The following GNG7 variants were observed in gnomAD, a reference collection of about 807,000 sequenced individuals.
GNG7 encodes the protein guanine nucleotide-binding protein G(I)/G(S)/G(O) subunit gamma-7.
Under a neutral mutation model 4.0 loss-of-function variants are expected in GNG7, and 1 was observed. That is an observed-to-expected ratio of 0.25 (90% CI 0.09 to 1.18). GNG7 has a LOEUF of 1.18. Among genes scored for constraint, GNG7 ranks in the 50% most tolerant of loss-of-function variants. The pLI, the probability that GNG7 is intolerant of heterozygous loss-of-function variation, is 0.50. For synonymous variants in GNG7, 34 were observed against 36.9 expected, an observed-to-expected ratio of 0.92 and a Z score of 0.29; for missense variants, 86 against 91.9, an observed-to-expected ratio of 0.94 and a Z score of 0.26.
At chr19:2,684,861 C>T (rs1318089068) in intron 1 of GNG7, among the ~76,000 whole-genome samples, 2 of 149,706 alleles carry the variant, frequency 1.3e-5, no homozygotes, top group Non-Finnish European at 3.0e-5. Context: ...CAGTGGCTCA[C>T]GCCTGTAATC....
intron 1 of GNG7, among the ~76,000 whole-genome samples, chr19:2,667,444 T>C (rs1025374412): frequency 3.3e-5 from 5 of 152,202 alleles, no homozygotes; most frequent in African/African-American, 1.2e-4. Flanking sequence ...CTCACCTCTA[T>C]GTGCTCGCCA....
chr19:2,590,517 C>T (rs1980808679), intron 2 of GNG7, among the ~76,000 whole-genome samples: 1 of 151,238 alleles, frequency 6.6e-6, no homozygotes, highest in African/African-American at 2.4e-5. Flanking sequence ...ATCCATCCAC[C>T]CACCCATCCA....
chr19:2,680,078 C>T (rs547602414), intron 1 of GNG7, among the ~76,000 whole-genome samples: 2 of 151,842 alleles, frequency 1.3e-5, no homozygotes, highest in Admixed American at 6.6e-5. Context: ...CTTGGGAGAC[C>T]GAGGAGGGAG....
intron 1 of GNG7, among the ~76,000 whole-genome samples, chr19:2,656,406 A>G (rs1982975554): frequency 6.6e-6 from 1 of 152,228 alleles, no homozygotes; most frequent in Non-Finnish European, 1.5e-5. Flanking sequence ...GTTCAAGACC[A>G]GCCTGGCCAA....
At chr19:2,689,063 CA>C (rs1207399372) in intron 1 of GNG7, among the ~76,000 whole-genome samples, 3 of 137,558 alleles carry the variant, frequency 2.2e-5, no homozygotes, top group Admixed American at 7.4e-5. Flanking sequence ...GACTCTGTCT[CA>C]AAAAAAAATG....
At chr19:2,597,613 A>G (rs28404761) in intron 2 of GNG7, among the ~76,000 whole-genome samples, 69,568 of 148,552 alleles carry the variant, frequency 0.47, 17,353 homozygotes, top group Non-Finnish European at 0.57. Flanking sequence ...TAATAATAAT[A>G]AGGCCGAGTG....
intron 2 of GNG7, among the ~76,000 whole-genome samples, chr19:2,637,015 A>T (rs1258103564): frequency 6.8e-6 from 1 of 146,354 alleles, no homozygotes. Flanking sequence ...TGCACCTCCA[A>T]CTCCACTTGT....
At chr19:2,539,400 A>G (rs1978870312) in intron 3 of GNG7, among the ~76,000 whole-genome samples, 1 of 148,558 alleles carries the variant, frequency 6.7e-6, no homozygotes, top group East Asian at 2.0e-4. Flanking sequence ...TTGCTTCCTG[A>G]TTCAAGCGAT....
chr19:2,520,179 TCAAA>T (rs1978300211), intron 4 of GNG7, among the ~76,000 whole-genome samples: 1 of 151,830 alleles, frequency 6.6e-6, no homozygotes, highest in African/African-American at 2.4e-5. Context: ...AGACTCCGTC[TCAAA>T]CAAACAAAAC....
intron 2 of GNG7, among the ~76,000 whole-genome samples, chr19:2,568,288 C>CAT (rs370707341): frequency 9.3e-6 from 1 of 107,458 alleles, no homozygotes; most frequent in Non-Finnish European, 2.1e-5. Flanking sequence ...GACTTACACA[C>CAT]ATATACACAC....
chr19:2,657,361 A>AAAAAAAATATATAT (rs1555701153), intron 1 of GNG7, among the ~76,000 whole-genome samples: 2 of 16,328 alleles, frequency 1.2e-4, no homozygotes, highest in Non-Finnish European at 2.0e-4. Flanking sequence ...AAAAAAAAAA[A>AAAAAAAATATATAT]ATATATATAT....
At chr19:2,542,713 C>G (rs945734783) in intron 3 of GNG7, among the ~76,000 whole-genome samples, 3 of 152,164 alleles carry the variant, frequency 2.0e-5, no homozygotes, top group African/African-American at 7.2e-5. Flanking sequence ...GGAGCTGATA[C>G]GCAAGGCCAG....
Position 2,550,739 on chromosome 19 carries a change from C to A in GNG7, c.-38+4410G>T, listed in dbSNP as rs540695252. On this transcript the variant is annotated intron_variant, in intron 3 of 4. Transcript: ENST00000382159. Reference sequence around the variant, plus strand: ...GGGCCTTGCCACATCTTTTGGTTGCCGAGCCTCAGTTTCCCCACCTATAAA... The same window carrying A: ...GGGCCTTGCCACATCTTTTGGTTGCAGAGCCTCAGTTTCCCCACCTATAAA... Among the ~76,000 whole-genome samples the A allele has an allele frequency of 2.6e-5, 4 of 152,310 alleles. No homozygotes were observed. The East Asian group carries it at 7.7e-4, about 29-fold the overall frequency.
At chr19:2,662,272 A>AT (rs1983200845) in intron 1 of GNG7, among the ~76,000 whole-genome samples, 1 of 147,288 alleles carries the variant, frequency 6.8e-6, no homozygotes, top group Non-Finnish European at 1.5e-5. Flanking sequence ...AAAAAAAAAA[A>AT]AAAAAAAATC....
At chr19:2,587,294 T>C (rs975097078) in intron 2 of GNG7, among the ~76,000 whole-genome samples, 2 of 152,030 alleles carry the variant, frequency 1.3e-5, no homozygotes, top group African/African-American at 2.4e-5. Flanking sequence ...GACCCAGGGG[T>C]CTCTCCTGTC....
At chr19:2,695,957 G>A (rs374797850) in intron 1 of GNG7, among the ~76,000 whole-genome samples, 6 of 145,302 alleles carry the variant, frequency 4.1e-5, no homozygotes, top group African/African-American at 9.8e-5. Flanking sequence ...TCAGGAGTTC[G>A]AGACCAGCCT....
chr19:2,569,374 G>C (rs549401353), intron 2 of GNG7, among the ~76,000 whole-genome samples: 8 of 152,088 alleles, frequency 5.3e-5, no homozygotes, highest in African/African-American at 1.2e-4. Flanking sequence ...CTCCTGGGTT[G>C]ACACCATTCT....
chr19:2,535,211 G>A (rs529534641), intron 3 of GNG7, among the ~76,000 whole-genome samples: 4 of 152,108 alleles, frequency 2.6e-5, no homozygotes, highest in Non-Finnish European at 5.9e-5. Flanking sequence ...TCTGGGGGCT[G>A]GGTGCAGTGG....
At chr19:2,533,217 TTTAA>T (rs1223816919) in intron 3 of GNG7, among the ~76,000 whole-genome samples, 9 of 148,652 alleles carry the variant, frequency 6.1e-5, no homozygotes, top group African/African-American at 1.7e-4. Flanking sequence ...AATATTAGTA[TTTAA>T]TTAATATTAA....
Sources: gnomAD v4.1 joint callset for allele counts (sites outside exome capture counted in the v4.1 genomes callset) on GRCh38, gnomAD v4.1.1 for gene constraint, MANE v1.5 for transcripts, NCBI Gene and HGNC (gene_info 2026-07-23, HGNC 2026-07-21) for gene names.